The following MACF1 variants were observed in gnomAD, a reference collection of about 807,000 sequenced individuals.
MACF1 encodes microtubule-actin cross-linking factor 1.
MACF1 carries 193 observed loss-of-function variants against 854.8 expected under a neutral mutation model. The observed-to-expected ratio is 0.23, with a 90% confidence interval of 0.20 to 0.25. The LOEUF is 0.25. MACF1 is among the 10% of genes least tolerant of loss of function. The pLI is 1.00. For missense variants in MACF1, 7,722 were observed against 8,929.1 expected (o/e 0.86, Z 5.45); for synonymous variants, 3,185 against 3,226.7 (o/e 0.99, Z 0.44).
chr1:39,121,058 C>G (rs1024029641), intron 2 of MACF1: 1 of 152,268 alleles, frequency 6.6e-6, no homozygotes, highest in Non-Finnish European at 1.5e-5. Flanking sequence ...ATGCAAACTT[C>G]TTAAGAATAG....
Position 39,447,740 on chromosome 1 carries a change from G to T in MACF1, c.19810G>T (p.Asp6604Tyr). 6.2e-7 allele frequency: 1 copy of T among 1,614,074 alleles called. No homozygotes were observed. The highest frequency in any genetic ancestry group is 1.1e-5 in the South Asian group (1 of 91,068). Residue 6604 changes from aspartate (D) to tyrosine (Y), a missense_variant, in exon 82 of 101, where the codon GAT becomes TAT. Coordinates refer to ENST00000564288, the MANE Select transcript of MACF1 (RefSeq NM_001394062.1). ...TCATCGAGACCAGATCATTGAGCTG[G>T]ATCAAACTGGGAATCAATTAAAGTT... Reference protein sequence around the residue: ...NAHRDQIIELDQTGNQLKFLS... With the variant: ...NAHRDQIIELYQTGNQLKFLS...
At chr1:39,235,210 G>C (rs1644846052) in intron 2 of MACF1, among the ~76,000 whole-genome samples, 1 of 152,258 alleles carries the variant, frequency 6.6e-6, no homozygotes, top group Non-Finnish European at 1.5e-5. Context: ...CTCCAGCCTG[G>C]GCACCATTGA....
chr1:39,293,646 T>C, intron 18 of MACF1, 27 bp downstream of exon 18: 2 of 1,594,424 alleles, frequency 1.3e-6, no homozygotes, highest in South Asian at 1.1e-5. Flanking sequence ...AGCAGGCCTG[T>C]CATACTTATT....
chr1:39,143,881 T>TCTCCTGCCTCAGC (rs541760430), intron 2 of MACF1, among the ~76,000 whole-genome samples: 2 of 152,030 alleles, frequency 1.3e-5, no homozygotes, highest in African/African-American at 2.4e-5. Flanking sequence ...TTCACACCAT[T>TCTCCTGCCTCAGC]CTCCTGCCTC....
intron 2 of MACF1, among the ~76,000 whole-genome samples, chr1:39,129,237 T>C (rs1642935518): frequency 6.6e-6 from 1 of 152,084 alleles, no homozygotes. Context: ...GTTTTCTCCT[T>C]TAGTGGGTGG....
intron 70 of MACF1, chr1:39,436,584 A>G: frequency 1.7e-6 from 2 of 1,182,726 alleles, no homozygotes; most frequent in Non-Finnish European, 2.5e-6. Context: ...ACTTTAGTGG[A>G]ATAAATTTAA....
intron 36 of MACF1, among the ~76,000 whole-genome samples, chr1:39,328,067 A>T (rs1646649947): frequency 6.6e-6 from 1 of 152,180 alleles, no homozygotes; most frequent in Non-Finnish European, 1.5e-5. Context: ...GGCAGGCCAA[A>T]ATTAAGCTCA....
chr1:39,282,096 G>T (rs1408556945), intron 6 of MACF1, 112 bp from the exon 7 acceptor site: 2 of 1,025,740 alleles, frequency 1.9e-6, no homozygotes, highest in East Asian at 5.0e-5. Context: ...CCTCTAAAGT[G>T]CTTCCAGCCT....
chr1:39,141,067 C>CA (rs1643334036), intron 2 of MACF1, among the ~76,000 whole-genome samples: 1 of 152,012 alleles, frequency 6.6e-6, no homozygotes, highest in Non-Finnish European at 1.5e-5. Context: ...CAGGGACACA[C>CA]AGCTGTTAAG....
At chr1:39,433,219 A>ACC in intron 68 of MACF1, 64 bp downstream of exon 68, 1 of 1,003,298 alleles carries the variant, frequency 1.0e-6, no homozygotes, top group Non-Finnish European at 1.5e-6. Flanking sequence ...TAGAAGCACA[A>ACC]TTGTGAAATG....
intron 58 of MACF1, among the ~76,000 whole-genome samples, chr1:39,389,362 T>G (rs1390976678): frequency 7.3e-6 from 1 of 136,088 alleles, no homozygotes; most frequent in African/African-American, 2.8e-5. Flanking sequence ...TTTTTTTTTT[T>G]TTTTTTTTTT....
chr1:39,336,816 T>G (rs1194128319), intron 37 of MACF1, among the ~76,000 whole-genome samples, 163 bp downstream of exon 37: 1 of 152,206 alleles, frequency 6.6e-6, no homozygotes, highest in Non-Finnish European at 1.5e-5. Context: ...CATCATCTGT[T>G]TGTAGCAAAG....
At position 39,333,715 on chromosome 1, in the gene MACF1, C is replaced by G; in HGVS notation, c.7127C>G (p.Pro2376Arg). Reference protein sequence around the residue: ...ADKAISGVLDPRTQTLCSVKD... With the variant: ...ADKAISGVLDRRTQTLCSVKD... ...AAAGCTATAAGTGGTGTCTTAGACC[C>G]CCGTACCCAGACACTGTGCTCTGTA... Residue 2376 changes from proline (P) to arginine (R), a missense_variant, in exon 37 of 101, where the codon CCC (proline) becomes CGC (arginine). By Grantham distance (103) the Pro-to-Arg change is moderately radical. Around this residue, in one of 15 missense-constraint regions of MACF1, gnomAD observed 1,531 missense variants for 1,601.6 expected, o/e 0.96. Coordinates refer to ENST00000564288, the MANE Select transcript of MACF1 (RefSeq NM_001394062.1). The G allele has an allele frequency of 6.2e-7, 1 of 1,614,088 alleles. No homozygotes were observed. Among genetic ancestry groups the G allele is most frequent in the South Asian group, 1.1e-5 (1 of 91,074 alleles).
intron 26 of MACF1, among the ~76,000 whole-genome samples, chr1:39,314,569 T>TTA (rs1553247794): frequency 1.5e-5 from 1 of 65,306 alleles, no homozygotes; most frequent in African/African-American, 4.7e-5. Flanking sequence ...TCTCTCTCTC[T>TTA]CACACACACA....
chr1:39,322,814 G>A, intron 32 of MACF1, 96 bp from the exon 33 acceptor site: 5 of 1,500,238 alleles, frequency 3.3e-6, no homozygotes, highest in Non-Finnish European at 4.6e-6. Context: ...CTTTTCTGGT[G>A]AACATGTGAC....
chr1:39,248,523 G>A (rs922024013), intron 2 of MACF1, among the ~76,000 whole-genome samples: 1 of 151,794 alleles, frequency 6.6e-6, no homozygotes, highest in Non-Finnish European at 1.5e-5. Flanking sequence ...TACTTTCAGA[G>A]CTACTTTGAA....
At chr1:39,440,172 G>A (rs1378157163) in intron 72 of MACF1, among the ~76,000 whole-genome samples, 2 of 137,600 alleles carry the variant, frequency 1.5e-5, no homozygotes, top group East Asian at 4.3e-4. Context: ...GATTGCAGTG[G>A]CATGATCTTG....
At chr1:39,174,286 T>C (rs1180867222) in intron 2 of MACF1, among the ~76,000 whole-genome samples, 1 of 152,222 alleles carries the variant, frequency 6.6e-6, no homozygotes, top group Non-Finnish European at 1.5e-5. Flanking sequence ...ATGGGGATTA[T>C]AGTAGACCAT....
chr1:39,433,295 C>T (rs1643907353), intron 68 of MACF1, 140 bp downstream of exon 68: 2 of 542,858 alleles, frequency 3.7e-6, no homozygotes, highest in South Asian at 5.7e-5. Flanking sequence ...GCTTGATGTT[C>T]TGGGGAATTC....
Sources: gnomAD v4.1 joint callset for allele counts (sites outside exome capture counted in the v4.1 genomes callset) on GRCh38, gnomAD v4.1.1 for gene constraint, gnomAD v4.1.1 regional missense constraint, MANE v1.5 for transcripts, NCBI Gene and HGNC (gene_info 2026-07-23, HGNC 2026-07-21) for gene names.